Variants in CERKL observed in about 807,000 individuals in gnomAD.
CERKL encodes ceramide kinase-like protein.
In CERKL, 61 loss-of-function variants were observed where a neutral mutation model predicts 63.4. That is an observed-to-expected ratio of 0.96 (90% CI 0.78 to 1.19). The LOEUF (loss-of-function observed/expected upper bound fraction) is 1.19, where lower values mean the gene tolerates loss of function less well. Ranked by LOEUF, CERKL falls within the 50% of genes most tolerant of loss-of-function variation. The probability of loss-of-function intolerance (pLI) is 0.00; values close to 1 mark genes in which losing one functional copy is unlikely to be tolerated. For synonymous variants in CERKL, 250 were observed against 230.5 expected (o/e 1.08, Z -0.77); for missense variants, 675 against 655.5 (o/e 1.03, Z -0.33).
At chr2:181,577,863 T>C (rs544879041) in intron 2 of CERKL, among the ~76,000 whole-genome samples, 3 of 152,274 alleles carry the variant, frequency 2.0e-5, no homozygotes, top group East Asian at 3.9e-4. Context: ...ATGTCAAAGC[T>C]GGGAAAGGAG....
intron 6 of CERKL, among the ~76,000 whole-genome samples, chr2:181,549,097 C>G (rs1687871381): frequency 6.6e-6 from 1 of 152,032 alleles, no homozygotes. Flanking sequence ...TTGCTATTTC[C>G]TATAAAACAT....
intron 11 of CERKL, among the ~76,000 whole-genome samples, chr2:181,542,193 C>T (rs552458654): frequency 3.9e-5 from 6 of 152,290 alleles, no homozygotes; most frequent in African/African-American, 1.4e-4. Flanking sequence ...GATGGAGCTG[C>T]AAGGACTTTG....
At chr2:181,593,466 G>GA (rs758887030) in intron 2 of CERKL, among the ~76,000 whole-genome samples, 11 of 150,702 alleles carry the variant, frequency 7.3e-5, no homozygotes, top group Non-Finnish European at 1.5e-4. Flanking sequence ...ACTGCAAAAT[G>GA]AAAATTTTTA....
chr2:181,638,961 G>A lies in CERKL; in HGVS notation c.238+17808C>T, dbSNP rs1274749630. On this transcript the variant is annotated intron_variant, in intron 1 of 12. Transcript: ENST00000410087. ...CCATGAGAAACTATAGGCCAAACTA[G>A]TTTGTTCAAAACATAAATTGAAAGG... 2.0e-5 allele frequency among the ~76,000 whole-genome samples: 3 copies of A among 152,064 alleles called. No individual in the cohort carries two copies. In the East Asian group the frequency reaches 5.8e-4, roughly 29 times the overall value.
chr2:181,640,841 T>G (rs1028618134), intron 1 of CERKL, among the ~76,000 whole-genome samples: 3 of 152,214 alleles, frequency 2.0e-5, no homozygotes, highest in African/African-American at 4.8e-5. Flanking sequence ...GTCTATCTGA[T>G]TCTCAATTTG....
At chr2:181,562,726 G>A (rs1433770835) in intron 4 of CERKL, among the ~76,000 whole-genome samples, 1 of 152,084 alleles carries the variant, frequency 6.6e-6, no homozygotes, top group African/African-American at 2.4e-5. Context: ...TTTTCAAAGA[G>A]TGATAAAGAT....
At position 181,537,908 on chromosome 2, in the gene CERKL, CT is replaced by C. The variant is rs1687250278; in HGVS notation, c.*275del. The C allele has an allele frequency of 1.8e-6, 1 of 569,902 alleles. No individual in the cohort carries two copies. The highest frequency in any genetic ancestry group is 1.8e-5 in the African/African-American group (1 of 54,244). 35.3% of individuals were successfully genotyped at this position (569,902 alleles called of 1,614,324 possible). A position where few individuals can be genotyped will look rare whatever the true frequency, so the allele number is the denominator to read the frequency against. The stretch of plus-strand genomic sequence containing the variant: ...ATGGAGCATTACTGAGTTCCTCCCC[CT>C]GTCAGATCAGCAGCAGCATTAGATT... On this transcript the variant is annotated 3_prime_UTR_variant, in exon 13 of 13. Transcript: ENST00000410087.
Position 181,601,131 on chromosome 2 carries a change from AAAAATTGAAACATG to A in CERKL, c.481+2692_481+2705del, listed in dbSNP as rs558164346. On this transcript the variant is annotated intron_variant, in intron 2 of 12. Transcript: ENST00000410087. ...AAAACAAAATTAATGCATAAATCAA[AAAAATTGAAACATG>A]AAAATTGAAACACAACATACCAAAA... Among the ~76,000 whole-genome samples the A allele has an allele frequency of 1.4e-3, 214 of 152,356 alleles. 2 individuals carry two copies. The highest frequency in any genetic ancestry group is 0.01 in the Middle Eastern group (3 of 294).
intron 1 of CERKL, among the ~76,000 whole-genome samples, chr2:181,621,051 G>A (rs1269702650): frequency 1.3e-5 from 2 of 151,974 alleles, no homozygotes; most frequent in African/African-American, 4.8e-5. Flanking sequence ...TAGGCAAATG[G>A]GGGATATGAA....
At chr2:181,641,361 A>AT (rs1263648664) in intron 1 of CERKL, among the ~76,000 whole-genome samples, 74 of 134,214 alleles carry the variant, frequency 5.5e-4, no homozygotes, top group African/African-American at 1.8e-3. Context: ...ATATACACAT[A>AT]TTTTTTTCCC....
In CERKL at chr2:181,538,204, C is replaced by T. The variant is rs753367773; in HGVS notation, c.1579G>A (p.Glu527Lys). The T allele has an allele frequency of 1.8e-5, 28 of 1,584,180 alleles. No homozygotes were observed. Among genetic ancestry groups the T allele is most frequent in the Middle Eastern group, 3.9e-4 (2 of 5,178 alleles). The change falls in exon 13 of 13, where the codon GAA becomes AAA. Residue 527 changes from glutamate (E) to lysine (K), a missense_variant. By Grantham distance (56) the Glu-to-Lys change is moderately conservative. Transcript: ENST00000410087. ...RLISLYGGSMEEMIPK is the reference protein window; with the variant it reads ...RLISLYGGSMKEMIPK ...ACATGTTACTTTGGAATCATTTCTT[C>T]CATGCTTCCTCCATAAAGACTGATA...
chr2:181,654,611 C>T (rs535971058), intron 1 of CERKL, among the ~76,000 whole-genome samples: 1 of 152,206 alleles, frequency 6.6e-6, no homozygotes, highest in African/African-American at 2.4e-5. Context: ...GCTCTCCCCC[C>T]ACCACATCCT....
chr2:181,590,985 T>C (rs1212057921), intron 2 of CERKL, among the ~76,000 whole-genome samples: 1 of 151,724 alleles, frequency 6.6e-6, no homozygotes, highest in Non-Finnish European at 1.5e-5. Flanking sequence ...TAATTGCAGA[T>C]ACTAGAAACA....
intron 2 of CERKL, among the ~76,000 whole-genome samples, chr2:181,587,614 C>T (rs1029015099): frequency 2.6e-5 from 4 of 152,136 alleles, no homozygotes; most frequent in African/African-American, 9.7e-5. Context: ...TTTTTCCCTA[C>T]TCTACATAGA....
Position 181,657,102 on chromosome 2 carries a change from C to G in CERKL, c.-96G>C. The G allele has an allele frequency of 8.4e-7, 1 of 1,186,106 alleles. No homozygotes were observed. The highest frequency in any genetic ancestry group is 1.2e-6 in the Non-Finnish European group (1 of 820,266). The allele number at this position is 1,186,106 out of a possible 1,614,324, so 73.5% of individuals were successfully genotyped here. A position where few individuals can be genotyped will look rare whatever the true frequency, so the allele number is the denominator to read the frequency against. On this transcript the variant is annotated 5_prime_UTR_variant, in exon 1 of 13. Coordinates refer to ENST00000410087, the MANE Select transcript of CERKL (RefSeq NM_201548.5). Reference sequence around the variant, plus strand: ...CAGCCCCAGCTCTAGCCGCGTCCAGCGCTGCCACAGCAACGGCGCGCAGGG... The same window carrying G: ...CAGCCCCAGCTCTAGCCGCGTCCAGGGCTGCCACAGCAACGGCGCGCAGGG...
At chr2:181,622,714 AT>A (rs566830174) in intron 1 of CERKL, among the ~76,000 whole-genome samples, 123 of 152,312 alleles carry the variant, frequency 8.1e-4, no homozygotes, top group African/African-American at 2.8e-3. Context: ...TGTATTTCCC[AT>A]TTTCTTAAAA....
chr2:181,588,042 T>C (rs966064142), intron 2 of CERKL, among the ~76,000 whole-genome samples: 1 of 152,218 alleles, frequency 6.6e-6, no homozygotes, highest in Non-Finnish European at 1.5e-5. Context: ...TTTTGAAATA[T>C]ATATACATTG....
chr2:181,603,500 A>C (rs6719391), intron 2 of CERKL, among the ~76,000 whole-genome samples: 35,182 of 152,052 alleles, frequency 0.23, 7,605 homozygotes, highest in African/African-American at 0.57. Flanking sequence ...ATGCAAACAT[A>C]CTCAACAAAA....
chr2:181,636,307 C>A (rs1279349200), intron 1 of CERKL, among the ~76,000 whole-genome samples: 1 of 152,140 alleles, frequency 6.6e-6, no homozygotes, highest in Non-Finnish European at 1.5e-5. Flanking sequence ...TTAAGCCTCA[C>A]ATCCCCCAAA....
Sources: gnomAD v4.1 joint callset for allele counts (sites outside exome capture counted in the v4.1 genomes callset) on GRCh38, gnomAD v4.1.1 for gene constraint, MANE v1.5 for transcripts, NCBI Gene and HGNC (gene_info 2026-07-23, HGNC 2026-07-21) for gene names.